TCF7L2: variants seen among roughly 807,000 people sequenced by gnomAD.
TCF7L2 encodes transcription factor 7 like 2.
TCF7L2 carries 23 observed loss-of-function variants against 77.9 expected under a neutral mutation model. The ratio of observed to expected loss-of-function variants is 0.30; its 90% confidence interval spans 0.21 to 0.42. The LOEUF is 0.42. TCF7L2 is among the 10% of genes least tolerant of loss of function. TCF7L2 has a pLI of 1.00. For synonymous variants in TCF7L2, 413 were observed against 340.2 expected (o/e 1.21, Z -2.36); for missense variants, 654 against 793.1 (o/e 0.82, Z 2.11).
chr10:113,156,704 A>AT (rs2071980259), intron 11 of TCF7L2, among the ~76,000 whole-genome samples: 1 of 152,180 alleles, frequency 6.6e-6, no homozygotes, highest in South Asian at 2.1e-4. Flanking sequence ...GAAAGACTCC[A>AT]TGCAGTTCAT....
In TCF7L2 at chr10:113,165,762, T is replaced by G; in HGVS notation, c.1599T>G (p.Pro533=). The G allele has an allele frequency of 6.2e-7, 1 of 1,607,468 alleles. No individual in the cohort carries two copies. The highest frequency in any genetic ancestry group is 8.5e-7 in the Non-Finnish European group (1 of 1,177,516). Residue 533 remains proline (P), a synonymous_variant, in exon 14 of 14, where the codon CCT becomes CCG. Coordinates refer to ENST00000627217, the MANE Select transcript of TCF7L2 (RefSeq NM_001146274.2). Reference sequence around the variant, plus strand: ...CCCTGGCCCACCTGTCCATGATGCCTCCGCCACCCGCCCTCCTGCTCGCTG... The same window carrying G: ...CCCTGGCCCACCTGTCCATGATGCCGCCGCCACCCGCCCTCCTGCTCGCTG...
intron 5 of TCF7L2, among the ~76,000 whole-genome samples, chr10:113,091,192 G>C (rs116536480): frequency 5.0e-4 from 76 of 152,238 alleles, no homozygotes; most frequent in African/African-American, 1.6e-3. Flanking sequence ...GTGAGCCACC[G>C]TGTCTGGCCG....
intron 4 of TCF7L2, among the ~76,000 whole-genome samples, chr10:113,013,040 G>A (rs1034047210): frequency 6.6e-6 from 1 of 151,200 alleles, no homozygotes; most frequent in African/African-American, 2.4e-5. Context: ...GTATTTATTT[G>A]TAGGTCACCA....
chr10:112,985,861 TGTG>T (rs1309556702), intron 4 of TCF7L2, among the ~76,000 whole-genome samples: 9 of 36,050 alleles, frequency 2.5e-4, no homozygotes, highest in African/African-American at 1.6e-3. Flanking sequence ...GCCTGTAGTT[TGTG>T]TGTGTGTGTG....
At position 113,086,973 on chromosome 10, in the gene TCF7L2, G is replaced by T. The variant is rs553791074; in HGVS notation, c.552+46847G>T. Among the ~76,000 whole-genome samples, 30 of 151,920 alleles carry T rather than the reference G, an allele frequency of 2.0e-4. 1 individual carries two copies. The highest frequency in any genetic ancestry group is 6.8e-4 in the African/African-American group (28 of 41,406). The stretch of plus-strand genomic sequence containing the variant: ...GGTGGGAAAGTGTGGTCTTGAGGGG[G>T]TAATAAACCTCCTACAGGCCACACA... On this transcript the variant is annotated intron_variant, in intron 5 of 13. Coordinates refer to ENST00000627217, the MANE Select transcript of TCF7L2 (RefSeq NM_001146274.2).
chr10:112,966,350 A>G (rs2036905343), intron 4 of TCF7L2, among the ~76,000 whole-genome samples: 2 of 151,614 alleles, frequency 1.3e-5, no homozygotes, highest in African/African-American at 4.9e-5. Context: ...TTGAGGCTGC[A>G]ATTGTTCTTT....
chr10:112,984,523 A>T (rs375166060), intron 4 of TCF7L2, among the ~76,000 whole-genome samples: 63 of 152,308 alleles, frequency 4.1e-4, no homozygotes, highest in African/African-American at 1.5e-3. Context: ...GTCTTAATTT[A>T]CTTAATTGCA....
At chr10:113,005,952 G>C (rs972192226) in intron 4 of TCF7L2, among the ~76,000 whole-genome samples, 3 of 152,042 alleles carry the variant, frequency 2.0e-5, no homozygotes, top group African/African-American at 7.2e-5. Flanking sequence ...AACCAAAACT[G>C]GTCCAGGGGA....
At chr10:113,100,826 A>G (rs2061549220) in intron 5 of TCF7L2, among the ~76,000 whole-genome samples, 1 of 152,234 alleles carries the variant, frequency 6.6e-6, no homozygotes, top group South Asian at 2.1e-4. Context: ...CTGTAATCCC[A>G]GCATTTTGGG....
At chr10:113,024,717 C>G (rs573318203) in intron 4 of TCF7L2, among the ~76,000 whole-genome samples, 1 of 147,954 alleles carries the variant, frequency 6.8e-6, no homozygotes, top group African/African-American at 2.5e-5. Context: ...CCTCCCAGGT[C>G]GAAACGATTC....
chr10:113,160,535 A>C, intron 12 of TCF7L2: 1 of 1,260,626 alleles, frequency 7.9e-7, no homozygotes, highest in Non-Finnish European at 1.1e-6. Context: ...AGAGAAGAAA[A>C]GGAAGCTGTA....
At position 113,146,087 on chromosome 10, in the gene TCF7L2, T is replaced by C. The variant is rs376667743; in HGVS notation, c.865T>C (p.Ser289Pro). 1.9e-6 allele frequency: 3 copies of C among 1,613,580 alleles called. No individual in the cohort carries two copies. In the African/African-American group the frequency reaches 4.0e-5, roughly 22 times the overall value. Reference sequence around the variant, plus strand: ...CCCCACAGCTCTGACCGTCAATGCTTCCATGTCCAGGTGAGTTCCAAGAAC... The same window carrying C: ...CCCCACAGCTCTGACCGTCAATGCTCCCATGTCCAGGTGAGTTCCAAGAAC... Residue 289 changes from serine to proline, a missense_variant, in exon 8 of 14, where the codon TCC becomes CCC. Ser to Pro is a moderately conservative substitution (Grantham distance 74). Around this residue, in one of 6 missense-constraint regions of TCF7L2, gnomAD observed 179 missense variants for 270.6 expected, o/e 0.66. Transcript: ENST00000627217.
intron 5 of TCF7L2, among the ~76,000 whole-genome samples, chr10:113,126,270 A>G (rs1390127555): frequency 6.6e-6 from 1 of 152,198 alleles, no homozygotes; most frequent in East Asian, 1.9e-4. Flanking sequence ...GTTGCCAAGA[A>G]TTTTGAGAGT....
At chr10:113,073,919 A>G (rs1045293812) in intron 5 of TCF7L2, among the ~76,000 whole-genome samples, 2 of 152,128 alleles carry the variant, frequency 1.3e-5, no homozygotes, top group Non-Finnish European at 2.9e-5. Context: ...GAATGATGAT[A>G]CGTTATAGCA....
rs1395093300 is a variant in TCF7L2 at position 113,158,606 on chromosome 10, T to C, written c.1318+537T>C. The C allele has an allele frequency of 2.5e-6, 4 of 1,577,256 alleles. No homozygotes were observed. The Admixed American group carries it at 6.7e-5, about 27-fold the overall frequency. On this transcript the variant is annotated intron_variant, in intron 12 of 13. Transcript: ENST00000627217. ...AGAGGTCCCTTGGAGAAGGCCAGGC[T>C]TTTACAAACAAACAAAACAAAAATT... is the stretch of plus-strand genomic sequence containing the variant.
chr10:113,126,354 C>A (rs1036775986), intron 5 of TCF7L2, among the ~76,000 whole-genome samples: 1 of 152,134 alleles, frequency 6.6e-6, no homozygotes, highest in Non-Finnish European at 1.5e-5. Context: ...GTTTCCTCCC[C>A]TGCCTTCTCT....
At chr10:113,142,299 C>T (rs1459676531) in intron 6 of TCF7L2, among the ~76,000 whole-genome samples, 2 of 152,210 alleles carry the variant, frequency 1.3e-5, no homozygotes, top group Non-Finnish European at 2.9e-5. Flanking sequence ...CCAGCATCCC[C>T]TTTTTATCCC....
chr10:113,167,543 C>G lies in TCF7L2; in HGVS notation c.*1571C>G. On this transcript the variant is annotated 3_prime_UTR_variant, in exon 14 of 14. Coordinates refer to ENST00000627217, the MANE Select transcript of TCF7L2 (RefSeq NM_001146274.2). ...TCCTAACAGTTGTGATGTTACTGTTCCGTTTTATGCTCTTATTCCAAGTTC... is the reference window on the plus strand; with the variant it reads ...TCCTAACAGTTGTGATGTTACTGTTGCGTTTTATGCTCTTATTCCAAGTTC... 4.7e-6 allele frequency: 1 copy of G among 213,684 alleles called. No homozygotes were observed. Among genetic ancestry groups the G allele is most frequent in the Non-Finnish European group, 9.5e-6 (1 of 105,732 alleles). The allele number at this position is 213,684 out of a possible 1,614,324, so 13.2% of individuals were successfully genotyped here. A position where few individuals can be genotyped will look rare whatever the true frequency, so the allele number is the denominator to read the frequency against.
At chr10:113,127,363 C>A (rs936990272) in intron 5 of TCF7L2, among the ~76,000 whole-genome samples, 13 of 151,806 alleles carry the variant, frequency 8.6e-5, no homozygotes, top group African/African-American at 1.7e-4. Flanking sequence ...TTTCGTCCAT[C>A]CATTCCTCCA....
Sources: gnomAD v4.1 joint callset for allele counts (sites outside exome capture counted in the v4.1 genomes callset) on GRCh38, gnomAD v4.1.1 for gene constraint, gnomAD v4.1.1 regional missense constraint, MANE v1.5 for transcripts, NCBI Gene and HGNC (gene_info 2026-07-23, HGNC 2026-07-21) for gene names.